SSUH2: variants seen among roughly 807,000 people sequenced by gnomAD.
The protein encoded by SSUH2 is ssu-2 homolog.
A neutral mutation model predicts 55.3 loss-of-function variants in SSUH2; 47 were observed. That is an observed-to-expected ratio of 0.85 (90% CI 0.67 to 1.08). The LOEUF (loss-of-function observed/expected upper bound fraction) is 1.08, where lower values mean the gene tolerates loss of function less well. Ranked by LOEUF, SSUH2 falls within the 50% of genes least tolerant of loss-of-function variation. The pLI, the probability that SSUH2 is intolerant of heterozygous loss-of-function variation, is 0.00. For missense variants in SSUH2, 535 were observed against 490.7 expected, an observed-to-expected ratio of 1.09 and a Z score of -0.85; for synonymous variants, 212 against 191.5, an observed-to-expected ratio of 1.11 and a Z score of -0.89.
At chr3:8,662,418 T>C (rs1305684215) in intron 6 of SSUH2, among the ~76,000 whole-genome samples, 2 of 152,124 alleles carry the variant, frequency 1.3e-5, no homozygotes, top group East Asian at 3.9e-4. Flanking sequence ...TCCCAGTGAA[T>C]GGCAGGACCC....
chr3:8,644,862 G>T, upstream of SSUH2: 2 of 941,290 alleles, frequency 2.1e-6, no homozygotes, highest in Admixed American at 2.0e-5. Context: ...CAGGCCCATT[G>T]TTACCCAGTT....
In SSUH2 at chr3:8,678,499, C is replaced by T. The variant is rs569959410; in HGVS notation, c.-900-1146G>A. Among the ~76,000 whole-genome samples the T allele has an allele frequency of 5.6e-4, 79 of 140,618 alleles. 1 individual carries two copies. Among genetic ancestry groups the T allele is most frequent in the African/African-American group, 2.0e-3 (77 of 39,430 alleles). The allele number at this position is 140,618 out of a possible 152,430, so 92.3% of individuals were successfully genotyped here. On this transcript the variant is annotated intron_variant, in intron 2 of 18. Transcript: ENST00000317371. ...GGACCCCCATTGCAAGGGGGTGAGG[C>T]ACCCCCCGCGAGGCGGGGACTGAGA...
chr3:8,632,167 T>C, intron 4 of SSUH2, 58 bp from the exon 5 acceptor site: 2 of 1,446,494 alleles, frequency 1.4e-6, no homozygotes, highest in East Asian at 2.3e-5. Context: ...CAGAGCATTA[T>C]GCAAAAAGAT....
At chr3:8,675,143 C>T (rs372731289) in intron 3 of SSUH2, among the ~76,000 whole-genome samples, 9 of 152,294 alleles carry the variant, frequency 5.9e-5, no homozygotes, top group African/African-American at 1.9e-4. Context: ...GTACCTAACC[C>T]GTCCACATTG....
intron 7 of SSUH2, among the ~76,000 whole-genome samples, chr3:8,657,697 C>G (rs938465811): frequency 7.2e-5 from 11 of 152,212 alleles, no homozygotes; most frequent in African/African-American, 2.6e-4. Flanking sequence ...CACATCCTAC[C>G]AAGAGGTGAG....
chr3:8,634,164 G>A (rs1699473493), intron 3 of SSUH2: 1 of 627,400 alleles, frequency 1.6e-6, no homozygotes, highest in East Asian at 3.0e-5. Flanking sequence ...GGCAGAGACA[G>A]GCTAAATAAG....
At position 8,644,747 on chromosome 3, in the gene SSUH2, A is replaced by ATCCCTGTCCATGTTCCAGACGTCC. The variant is rs1388578118; in HGVS notation, c.-13_11dup (p.Arg3_Asp4insGluAspValTrpAsnMetAspArg). On this transcript the variant is annotated inframe_insertion, in exon 1 of 12. Transcript: ENST00000544814. ...TCTACTTACTGTCATCTTCATTCAG[A>ATCCCTGTCCATGTTCCAGACGTCC]TCCCTGTCCATGTTCCAGACGTCCT... 6.5e-7 allele frequency: 1 copy of ATCCCTGTCCATGTTCCAGACGTCC among 1,535,956 alleles called. No homozygotes were observed. The highest frequency in any genetic ancestry group is 1.4e-5 in the African/African-American group (1 of 73,016).
At chr3:8,657,203 C>T (rs1015480317) in intron 7 of SSUH2, among the ~76,000 whole-genome samples, 3 of 152,166 alleles carry the variant, frequency 2.0e-5, no homozygotes, top group African/African-American at 7.2e-5. Flanking sequence ...TTATAATTAC[C>T]TCCTTTCTTA....
upstream of SSUH2, among the ~76,000 whole-genome samples, chr3:8,645,652 G>C (rs1701586662): frequency 6.6e-6 from 1 of 152,072 alleles, no homozygotes; most frequent in Admixed American, 6.5e-5. Flanking sequence ...CCTACGCCTT[G>C]ACTTCCCCAT....
At chr3:8,634,274 C>A in intron 3 of SSUH2, 1 of 780,412 alleles carries the variant, frequency 1.3e-6, no homozygotes, top group South Asian at 1.7e-5. Flanking sequence ...TGGCAGCGCC[C>A]ATGGAGACTC....
chr3:8,679,313 ACT>A lies in SSUH2; in HGVS notation c.-901+390_-901+391del, dbSNP rs1490525430. ...GGGAGCCACCCCCCATGAGGCGGGG[ACT>A]AAGAGCCAGCCCCTCTTCCCGCCCC... On this transcript the variant is annotated intron_variant, in intron 2 of 18. Coordinates refer to the SSUH2 transcript ENST00000317371. Among the ~76,000 whole-genome samples the A allele has an allele frequency of 1.7e-4, 9 of 51,760 alleles. 3 individuals carry two copies. Among genetic ancestry groups the A allele is most frequent in the Non-Finnish European group, 4.2e-4 (9 of 21,402 alleles). 34.0% of individuals were successfully genotyped at this position (51,760 alleles called of 152,430 possible).
chr3:8,631,489 C>T (rs1248740766), intron 5 of SSUH2, among the ~76,000 whole-genome samples: 1 of 152,172 alleles, frequency 6.6e-6, no homozygotes, highest in Non-Finnish European at 1.5e-5. Context: ...AAGACTGGCC[C>T]ATCCTGCTGG....
intron 5 of SSUH2, among the ~76,000 whole-genome samples, chr3:8,664,715 C>T (rs1703824826): frequency 6.6e-6 from 1 of 152,216 alleles, no homozygotes; most frequent in Non-Finnish European, 1.5e-5. Flanking sequence ...ACATCCTCAC[C>T]ATGCTGCCTT....
chr3:8,654,597 C>T (rs561129045), intron 7 of SSUH2, among the ~76,000 whole-genome samples: 82 of 152,248 alleles, frequency 5.4e-4, no homozygotes, highest in Non-Finnish European at 1.1e-3. Context: ...GGAATAGAAC[C>T]GTAGCACCTC....
At chr3:8,663,868 G>A (rs1234027091) in intron 5 of SSUH2, 1 of 456,462 alleles carries the variant, frequency 2.2e-6, no homozygotes, top group African/African-American at 2.0e-5. Context: ...CCAAGACAAT[G>A]TTGTTTTCTT....
intron 7 of SSUH2, among the ~76,000 whole-genome samples, chr3:8,653,741 T>A (rs1428010016): frequency 6.6e-6 from 1 of 152,236 alleles, no homozygotes; most frequent in Non-Finnish European, 1.5e-5. Flanking sequence ...ATAACACAAA[T>A]CCTTTAAAAA....
chr3:8,652,693 C>G (rs150915702), intron 7 of SSUH2, among the ~76,000 whole-genome samples: 10 of 152,182 alleles, frequency 6.6e-5, no homozygotes, highest in Admixed American at 1.3e-4. Context: ...ATACCTATAT[C>G]GAGTTTTATG....
intron 5 of SSUH2, 76 bp downstream of exon 5, chr3:8,631,973 G>A (rs1698875172): frequency 1.6e-6 from 2 of 1,212,514 alleles, no homozygotes; most frequent in Admixed American, 1.7e-5. Flanking sequence ...GAGTGCCTGA[G>A]CCAAGTCCTG....
chr3:8,669,059 G>A (rs527709967), intron 5 of SSUH2, among the ~76,000 whole-genome samples: 2 of 152,094 alleles, frequency 1.3e-5, no homozygotes, highest in East Asian at 3.9e-4. Context: ...ATTTGTTTAC[G>A]TACCCCAAAT....
Sources: gnomAD v4.1 joint callset for allele counts (sites outside exome capture counted in the v4.1 genomes callset) on GRCh38, gnomAD v4.1.1 for gene constraint, MANE v1.5 for transcripts, NCBI Gene and HGNC (gene_info 2026-07-23, HGNC 2026-07-21) for gene names.